Variants in JAZF1 observed in about 807,000 individuals in gnomAD.
The protein encoded by JAZF1 is juxtaposed with another zinc finger protein 1.
In JAZF1, 8 loss-of-function variants were observed where a neutral mutation model predicts 26.4. The observed-to-expected ratio is 0.30, with a 90% CI of 0.18 to 0.55. The LOEUF (loss-of-function observed/expected upper bound fraction) is 0.55. JAZF1 is among the 20% of genes least tolerant of loss of function. The pLI, the probability that JAZF1 is intolerant of heterozygous loss-of-function variation, is 0.94. For synonymous variants in JAZF1, 126 were observed against 122.3 expected (o/e 1.03, Z -0.20); for missense variants, 199 against 322.0 (o/e 0.62, Z 2.92).
intron 1 of JAZF1, among the ~76,000 whole-genome samples, chr7:28,037,980 G>T (rs1249740752): frequency 6.6e-6 from 1 of 152,190 alleles, no homozygotes; most frequent in Admixed American, 6.5e-5. Flanking sequence ...TGGGCAGAGA[G>T]ATTTTGGAAT....
chr7:28,066,618 A>AG (rs1783887516), intron 1 of JAZF1, among the ~76,000 whole-genome samples: 1 of 151,220 alleles, frequency 6.6e-6, no homozygotes, highest in South Asian at 2.1e-4. Context: ...AAAAAAAAAA[A>AG]AAAAAAAAAG....
chr7:28,005,006 A>G (rs1391280740), intron 1 of JAZF1, among the ~76,000 whole-genome samples: 1 of 152,048 alleles, frequency 6.6e-6, no homozygotes. Context: ...CACCCCTTTC[A>G]CTTTCTATAC....
chr7:28,043,349 C>T (rs983702352), intron 1 of JAZF1, among the ~76,000 whole-genome samples: 3 of 152,130 alleles, frequency 2.0e-5, no homozygotes, highest in African/African-American at 4.8e-5. Context: ...CTGCATCTTT[C>T]GGCTCAAGTG....
chr7:28,086,949 A>G (rs948331203), intron 1 of JAZF1, among the ~76,000 whole-genome samples: 6 of 152,354 alleles, frequency 3.9e-5, no homozygotes, highest in Non-Finnish European at 8.8e-5. Flanking sequence ...TTTTCCTACC[A>G]TTCAGAAAAC....
Position 28,179,460 on chromosome 7 carries a change from C to T in JAZF1, c.115+1003G>A, listed in dbSNP as rs1198643539. On this transcript the variant is annotated intron_variant, in intron 1 of 4. Transcript: ENST00000283928. Reference sequence around the variant, plus strand: ...TCCCGGGCCCGGGGCGCTGCGCAGGCCGCCGCCGATCCCAGGGCGCAGCCA... The same window carrying T: ...TCCCGGGCCCGGGGCGCTGCGCAGGTCGCCGCCGATCCCAGGGCGCAGCCA... Among the ~76,000 whole-genome samples the T allele has an allele frequency of 3.9e-5, 6 of 152,164 alleles. No individual in the cohort carries two copies. In the East Asian group the frequency reaches 1.2e-3, roughly 30 times the overall value.
intron 1 of JAZF1, among the ~76,000 whole-genome samples, chr7:28,070,979 A>G (rs1783966370): frequency 1.3e-5 from 2 of 152,296 alleles, no homozygotes; most frequent in South Asian, 4.1e-4. Flanking sequence ...TGAAATGAAA[A>G]CTGTGAATAC....
intron 3 of JAZF1, among the ~76,000 whole-genome samples, chr7:27,852,488 A>G (rs1292352443): frequency 1.3e-5 from 2 of 151,386 alleles, no homozygotes; most frequent in Non-Finnish European, 1.5e-5. Flanking sequence ...TGAGGTTGCA[A>G]CTCCCTCAGT....
At chr7:28,038,443 G>A (rs1783331930) in intron 1 of JAZF1, among the ~76,000 whole-genome samples, 1 of 152,090 alleles carries the variant, frequency 6.6e-6, no homozygotes, top group African/African-American at 2.4e-5. Context: ...ACTAAAGAAA[G>A]GAAGACAAGA....
chr7:27,868,727 C>T (rs1783528282), intron 3 of JAZF1, among the ~76,000 whole-genome samples: 1 of 152,196 alleles, frequency 6.6e-6, no homozygotes, highest in Non-Finnish European at 1.5e-5. Flanking sequence ...GTCAAACTGC[C>T]AACATTTAAA....
intron 1 of JAZF1, among the ~76,000 whole-genome samples, chr7:28,129,938 C>T (rs1302379534): frequency 2.0e-5 from 3 of 151,968 alleles, no homozygotes; most frequent in African/African-American, 7.3e-5. Context: ...GGTATCTTTC[C>T]ACCACTCCTC....
intron 1 of JAZF1, among the ~76,000 whole-genome samples, chr7:28,071,358 A>C (rs1165457043): frequency 6.6e-6 from 1 of 152,184 alleles, no homozygotes; most frequent in African/African-American, 2.4e-5. Context: ...ACCTCTGTCA[A>C]CTCCAACACC....
At chr7:28,158,214 G>C (rs1332216916) in intron 1 of JAZF1, among the ~76,000 whole-genome samples, 1 of 151,980 alleles carries the variant, frequency 6.6e-6, no homozygotes, top group Non-Finnish European at 1.5e-5. Flanking sequence ...GGGAGAGAGA[G>C]AGAGAGAGAG....
At chr7:27,961,286 A>C (rs993842958) in intron 2 of JAZF1, among the ~76,000 whole-genome samples, 1 of 152,250 alleles carries the variant, frequency 6.6e-6, no homozygotes, top group Non-Finnish European at 1.5e-5. Flanking sequence ...CAACTCAAGT[A>C]GTCTACCTCC....
Position 27,832,688 on chromosome 7 carries a change from T to C in JAZF1, c.*112A>G. 1 of 852,066 alleles carries C rather than the reference T, an allele frequency of 1.2e-6. No homozygotes were observed. The highest frequency in any genetic ancestry group is 1.8e-6 in the Non-Finnish European group (1 of 567,646). The allele number at this position is 852,066 out of a possible 1,614,324, so 52.8% of individuals were successfully genotyped here. On this transcript the variant is annotated 3_prime_UTR_variant, in exon 5 of 5. Coordinates refer to ENST00000283928, the MANE Select transcript of JAZF1 (RefSeq NM_175061.4). ...TTACAGAAAAAATTTAAAGCATGCA[T>C]TTAATTCTTTTTCTTTAAAGGGTTG...
At chr7:28,171,347 C>G (rs1349847029) in intron 1 of JAZF1, among the ~76,000 whole-genome samples, 1 of 152,212 alleles carries the variant, frequency 6.6e-6, no homozygotes, top group East Asian at 1.9e-4. Context: ...TGATGCAAAC[C>G]TACAGAAATT....
At chr7:27,894,989 T>C (rs949127336) in intron 3 of JAZF1, among the ~76,000 whole-genome samples, 13 of 152,114 alleles carry the variant, frequency 8.5e-5, no homozygotes, top group Non-Finnish European at 2.9e-5. Context: ...GGAAATATAT[T>C]GACAAAAAAT....
intron 1 of JAZF1, among the ~76,000 whole-genome samples, chr7:28,113,871 G>A (rs575845449): frequency 2.0e-5 from 3 of 152,200 alleles, no homozygotes; most frequent in South Asian, 4.1e-4. Context: ...GAAAATATCC[G>A]GATCTCTATA....
intron 3 of JAZF1, chr7:27,864,080 TACCGCCTGGCC>T (rs1399424263): frequency 6.6e-6 from 1 of 152,208 alleles, no homozygotes; most frequent in African/African-American, 2.4e-5. Flanking sequence ...GGGCCCTGAC[TACCGCCTGGCC>T]GCTGTGACGA....
chr7:27,851,285 A>C (rs935170704), intron 3 of JAZF1, among the ~76,000 whole-genome samples: 10 of 152,248 alleles, frequency 6.6e-5, no homozygotes, highest in Non-Finnish European at 1.5e-4. Flanking sequence ...GATTACAAAC[A>C]CACTCAAATT....
Sources: gnomAD v4.1 joint callset for allele counts (sites outside exome capture counted in the v4.1 genomes callset) on GRCh38, gnomAD v4.1.1 for gene constraint, MANE v1.5 for transcripts, NCBI Gene and HGNC (gene_info 2026-07-23, HGNC 2026-07-21) for gene names.